PDE4D: variants seen among roughly 807,000 people sequenced by gnomAD.
PDE4D encodes phosphodiesterase 4D, also known as 3',5'-cyclic-AMP phosphodiesterase 4D.
A neutral mutation model predicts 87.4 loss-of-function variants in PDE4D; 24 were observed. The observed-to-expected ratio is 0.27, with a 90% confidence interval of 0.20 to 0.39. The LOEUF (loss-of-function observed/expected upper bound fraction) is 0.39. Ranked by LOEUF, PDE4D falls within the 10% of genes least tolerant of loss-of-function variation. The pLI is 1.00. For missense variants in PDE4D, 714 were observed against 1,041.0 expected (o/e 0.69, Z 4.32); for synonymous variants, 384 against 383.2 (o/e 1.00, Z -0.02).
At chr5:59,827,588 T>C (rs1459342401) in intron 1 of PDE4D, among the ~76,000 whole-genome samples, 5 of 152,152 alleles carry the variant, frequency 3.3e-5, no homozygotes, top group African/African-American at 1.2e-4. Flanking sequence ...AGAAGGAGGA[T>C]GCTAATTTAG....
At chr5:60,310,316 A>T (rs1657101640) in intron 1 of PDE4D, among the ~76,000 whole-genome samples, 1 of 152,250 alleles carries the variant, frequency 6.6e-6, no homozygotes, top group African/African-American at 2.4e-5. Flanking sequence ...TGAGAAGAAC[A>T]ATAAAAATCA....
intron 1 of PDE4D, among the ~76,000 whole-genome samples, chr5:60,249,851 T>C (rs1026555555): frequency 6.6e-6 from 1 of 151,942 alleles, no homozygotes; most frequent in Non-Finnish European, 1.5e-5. Flanking sequence ...TTAAGCTAGG[T>C]ATGAAATGAT....
At chr5:59,106,243 A>G (rs1771557244) in intron 5 of PDE4D, among the ~76,000 whole-genome samples, 1 of 152,170 alleles carries the variant, frequency 6.6e-6, no homozygotes, top group Non-Finnish European at 1.5e-5. Flanking sequence ...TCATATCACA[A>G]TTTAAGACTA....
At chr5:59,875,227 C>G (rs573762100) in intron 1 of PDE4D, among the ~76,000 whole-genome samples, 1 of 151,806 alleles carries the variant, frequency 6.6e-6, no homozygotes, top group African/African-American at 2.4e-5. Context: ...TTTGGGAGGC[C>G]GAGGCGGGCG....
intron 1 of PDE4D, among the ~76,000 whole-genome samples, chr5:59,266,193 G>C (rs1762828150): frequency 6.6e-6 from 1 of 151,932 alleles, no homozygotes; most frequent in African/African-American, 2.4e-5. Flanking sequence ...AGGAGTTCAA[G>C]GCTGTAGTGC....
intron 1 of PDE4D, among the ~76,000 whole-genome samples, chr5:59,677,593 T>A (rs951153590): frequency 6.6e-6 from 1 of 152,174 alleles, no homozygotes; most frequent in Non-Finnish European, 1.5e-5. Context: ...TTTTGTACAA[T>A]GTAGACAGAA....
intron 1 of PDE4D, among the ~76,000 whole-genome samples, chr5:59,364,743 T>A (rs1782770248): frequency 6.6e-6 from 1 of 152,334 alleles, no homozygotes; most frequent in South Asian, 2.1e-4. Context: ...AGATATAGAC[T>A]AGTAAGCTAC....
At chr5:59,627,911 A>G (rs1016204050) in intron 1 of PDE4D, among the ~76,000 whole-genome samples, 2 of 152,116 alleles carry the variant, frequency 1.3e-5, no homozygotes, top group Non-Finnish European at 2.9e-5. Context: ...TTGTACCTGC[A>G]CCCATATTTT....
At chr5:59,612,310 A>AT (rs34443614) in intron 1 of PDE4D, among the ~76,000 whole-genome samples, 11 of 150,326 alleles carry the variant, frequency 7.3e-5, no homozygotes, top group East Asian at 3.9e-4. Flanking sequence ...GGATGTTCTA[A>AT]TTTTTTTTTT....
intron 3 of PDE4D, among the ~76,000 whole-genome samples, chr5:59,970,179 A>G (rs1183647332): frequency 6.6e-6 from 1 of 152,236 alleles, no homozygotes; most frequent in Non-Finnish European, 1.5e-5. Context: ...CAGTGGACTA[A>G]CAGCAGAGTT....
intron 5 of PDE4D, among the ~76,000 whole-genome samples, chr5:59,066,048 T>C (rs1763874593): frequency 6.6e-6 from 1 of 151,898 alleles, no homozygotes; most frequent in African/African-American, 2.4e-5. Context: ...GATGCTGTTC[T>C]AAAAAAAATG....
intron 2 of PDE4D, among the ~76,000 whole-genome samples, chr5:60,045,050 C>T (rs1044851865): frequency 1.8e-4 from 27 of 152,256 alleles, no homozygotes; most frequent in African/African-American, 6.0e-4. Flanking sequence ...TTTTAATGAT[C>T]ACCATTCTAA....
chr5:59,044,434 C>T (rs113719532), intron 5 of PDE4D, among the ~76,000 whole-genome samples: 1 of 152,318 alleles, frequency 6.6e-6, no homozygotes, highest in Non-Finnish European at 1.5e-5. Context: ...AAAATTTCCC[C>T]TTTGTTCTAC....
chr5:60,116,020 C>T (rs376216125), intron 2 of PDE4D, among the ~76,000 whole-genome samples: 1 of 152,060 alleles, frequency 6.6e-6, no homozygotes, highest in Non-Finnish European at 1.5e-5. Context: ...TAGTAAACAA[C>T]ATTATTTACA....
At chr5:59,221,619 G>A (rs1017784642) in intron 1 of PDE4D, among the ~76,000 whole-genome samples, 3 of 151,778 alleles carry the variant, frequency 2.0e-5, no homozygotes, top group Admixed American at 6.6e-5. Flanking sequence ...GCGACAGAGC[G>A]AGACTCTGTC....
intron 9 of PDE4D, among the ~76,000 whole-genome samples, chr5:58,990,454 C>T (rs1425484964): frequency 1.3e-5 from 2 of 152,102 alleles, no homozygotes; most frequent in Non-Finnish European, 2.9e-5. Flanking sequence ...TAGTAGCCAG[C>T]AGGGGCTTTA....
intron 3 of PDE4D, among the ~76,000 whole-genome samples, chr5:59,977,289 C>CA (rs1279862530): frequency 6.6e-6 from 1 of 152,174 alleles, no homozygotes; most frequent in East Asian, 1.9e-4. Flanking sequence ...GAAAGCCAAA[C>CA]AGCCTTATTG....
chr5:59,997,046 T>C (rs1469766017), intron 2 of PDE4D, among the ~76,000 whole-genome samples: 2 of 152,170 alleles, frequency 1.3e-5, no homozygotes, highest in Non-Finnish European at 2.9e-5. Flanking sequence ...AATATTCTAC[T>C]GTATATTCTC....
At chr5:59,409,080 A>T (rs1792205906) in intron 1 of PDE4D, among the ~76,000 whole-genome samples, 1 of 151,612 alleles carries the variant, frequency 6.6e-6, no homozygotes, top group African/African-American at 2.4e-5. Context: ...CCCAGGAGGC[A>T]GAGGTTGCAG....
Sources: allele counts gnomAD v4.1 joint callset (sites outside exome capture counted in the v4.1 genomes callset), GRCh38; gene constraint gnomAD v4.1.1; transcripts MANE v1.5; gene names NCBI Gene and HGNC (gene_info 2026-07-23, HGNC 2026-07-21).